The following PLXDC2 variants were observed in gnomAD, a reference collection of about 807,000 sequenced individuals.
The protein encoded by PLXDC2 is plexin domain containing 2.
PLXDC2 carries 40 observed loss-of-function variants against 68.9 expected under a neutral mutation model. The observed-to-expected ratio is 0.58, with a 90% CI of 0.45 to 0.76. The LOEUF is 0.76. Among genes scored for constraint, PLXDC2 ranks in the 30% least tolerant of loss-of-function variants. The pLI is 0.00. For synonymous variants in PLXDC2, 243 were observed against 234.2 expected, an observed-to-expected ratio of 1.04 and a Z score of -0.34; for missense variants, 644 against 661.9, an observed-to-expected ratio of 0.97 and a Z score of 0.30.
chr10:20,015,809 A>G (rs1174420007), intron 2 of PLXDC2, among the ~76,000 whole-genome samples: 1 of 152,186 alleles, frequency 6.6e-6, no homozygotes, highest in African/African-American at 2.4e-5. Flanking sequence ...CCTCCTTCCA[A>G]TACAAGCACA....
At chr10:20,204,837 T>A (rs1181985018) in intron 9 of PLXDC2, among the ~76,000 whole-genome samples, 1 of 152,134 alleles carries the variant, frequency 6.6e-6, no homozygotes, top group East Asian at 1.9e-4. Flanking sequence ...TATCTGGTCC[T>A]TTACAAAAAA....
chr10:20,077,882 T>G lies in PLXDC2; in HGVS notation c.541+9643T>G, dbSNP rs185859598. The stretch of plus-strand genomic sequence containing the variant: ...TTTACTGTTTATGAAGTTTTAGTCA[T>G]TAAGCTCTGAAAAAACATTTTTTTC... On this transcript the variant is annotated intron_variant, in intron 4 of 13. Coordinates refer to ENST00000377252, the MANE Select transcript of PLXDC2 (RefSeq NM_032812.9). Among the ~76,000 whole-genome samples the G allele has an allele frequency of 2.3e-3, 356 of 152,312 alleles. 1 individual carries two copies. The highest frequency in any genetic ancestry group is 3.5e-3 in the Non-Finnish European group (237 of 68,026).
At chr10:20,154,178 G>GCAACT (rs1834187918) in intron 6 of PLXDC2, among the ~76,000 whole-genome samples, 1 of 152,146 alleles carries the variant, frequency 6.6e-6, no homozygotes, top group Admixed American at 6.5e-5. Context: ...CCATTAAATA[G>GCAACT]TGATGATTTT....
intron 2 of PLXDC2, among the ~76,000 whole-genome samples, chr10:20,027,611 A>C (rs1270812671): frequency 6.6e-6 from 1 of 151,878 alleles, no homozygotes; most frequent in African/African-American, 2.4e-5. Context: ...AATTGTGTAG[A>C]TATCTCAACA....
chr10:20,210,542 T>C (rs1208503287), intron 9 of PLXDC2, among the ~76,000 whole-genome samples: 3 of 152,150 alleles, frequency 2.0e-5, no homozygotes, highest in Non-Finnish European at 4.4e-5. Context: ...GAACAAAGTC[T>C]AATTAACACA....
rs532749730 is a variant in PLXDC2 at position 20,253,097 on chromosome 10, G to C, written c.1473+7592G>C. On this transcript the variant is annotated intron_variant, in intron 13 of 13. Transcript: ENST00000377252. Reference sequence around the variant, plus strand: ...TTATTTTCCTAGGCCAGGTGCGGTGGCTCATGCCTGTAATCCCAGAACATT... The same window carrying C: ...TTATTTTCCTAGGCCAGGTGCGGTGCCTCATGCCTGTAATCCCAGAACATT... Among the ~76,000 whole-genome samples the C allele has an allele frequency of 2.0e-5, 3 of 152,104 alleles. No individual in the cohort carries two copies. In the East Asian group the frequency reaches 5.8e-4, roughly 29 times the overall value.
intron 1 of PLXDC2, among the ~76,000 whole-genome samples, chr10:19,934,560 T>TA (rs1339537177): frequency 2.6e-5 from 4 of 152,212 alleles, no homozygotes; most frequent in Non-Finnish European, 5.9e-5. Context: ...TAAGTCTTGT[T>TA]AATAGTCTTG....
chr10:20,270,298 T>C (rs1247585944), intron 13 of PLXDC2, among the ~76,000 whole-genome samples: 1 of 152,148 alleles, frequency 6.6e-6, no homozygotes, highest in Non-Finnish European at 1.5e-5. Context: ...GAAAGGGTTT[T>C]CAATCAGTTA....
chr10:20,218,913 G>T (rs997214305), intron 11 of PLXDC2, 151 bp from the exon 12 acceptor site: 15 of 766,880 alleles, frequency 2.0e-5, no homozygotes, highest in Non-Finnish European at 2.6e-5. Flanking sequence ...GCAAGGACTT[G>T]CTCTCATTGC....
intron 1 of PLXDC2, among the ~76,000 whole-genome samples, chr10:19,919,337 A>T (rs1346746819): frequency 6.6e-6 from 1 of 151,964 alleles, no homozygotes; most frequent in Non-Finnish European, 1.5e-5. Flanking sequence ...AAACCTTATT[A>T]AAAAAGGACA....
At chr10:19,837,913 C>T (rs562713239) in intron 1 of PLXDC2, among the ~76,000 whole-genome samples, 9 of 152,080 alleles carry the variant, frequency 5.9e-5, no homozygotes, top group Non-Finnish European at 1.2e-4. Context: ...AAGTGACTAA[C>T]GTAAAACCAT....
intron 4 of PLXDC2, among the ~76,000 whole-genome samples, chr10:20,076,647 C>A (rs1042894928): frequency 3.3e-5 from 5 of 152,062 alleles, no homozygotes; most frequent in Non-Finnish European, 7.4e-5. Flanking sequence ...CCTTTGATGA[C>A]CTCATTCATT....
intron 1 of PLXDC2, among the ~76,000 whole-genome samples, chr10:19,970,772 C>CA (rs2131611342): frequency 6.6e-6 from 1 of 152,286 alleles, no homozygotes; most frequent in East Asian, 1.9e-4. Flanking sequence ...GAGTGGGATG[C>CA]AACATCCGGG....
chr10:20,190,531 G>T (rs916246856), intron 9 of PLXDC2, among the ~76,000 whole-genome samples: 1 of 151,530 alleles, frequency 6.6e-6, no homozygotes, highest in Non-Finnish European at 1.5e-5. Context: ...CACCAACATG[G>T]CACATGTATA....
intron 3 of PLXDC2, among the ~76,000 whole-genome samples, chr10:20,054,557 C>G (rs970781605): frequency 1.3e-5 from 2 of 151,798 alleles, no homozygotes; most frequent in East Asian, 1.9e-4. Flanking sequence ...TTTGTAGGGA[C>G]GTGGATGAAG....
intron 9 of PLXDC2, among the ~76,000 whole-genome samples, chr10:20,190,860 C>A (rs1834755812): frequency 6.6e-6 from 1 of 151,796 alleles, no homozygotes; most frequent in Non-Finnish European, 1.5e-5. Context: ...TGATGTTTCG[C>A]TTCCATTAAA....
At chr10:19,900,728 C>A (rs1473471948) in intron 1 of PLXDC2, among the ~76,000 whole-genome samples, 1 of 151,794 alleles carries the variant, frequency 6.6e-6, no homozygotes, top group Non-Finnish European at 1.5e-5. Flanking sequence ...ACATTGTACC[C>A]AATGTGTAGG....
At chr10:20,122,623 CA>C (rs1302265715) in intron 4 of PLXDC2, among the ~76,000 whole-genome samples, 1 of 152,328 alleles carries the variant, frequency 6.6e-6, no homozygotes, top group East Asian at 1.9e-4. Flanking sequence ...GCACTTGTAG[CA>C]AGCTCCTGGG....
intron 1 of PLXDC2, among the ~76,000 whole-genome samples, chr10:19,855,927 A>C (rs562262654): frequency 2.0e-5 from 3 of 152,230 alleles, no homozygotes; most frequent in Admixed American, 6.5e-5. Flanking sequence ...GTACTAAAAA[A>C]ATATACATAT....
Sources: allele counts gnomAD v4.1 joint callset (sites outside exome capture counted in the v4.1 genomes callset), GRCh38; gene constraint gnomAD v4.1.1; transcripts MANE v1.5; gene names NCBI Gene and HGNC (gene_info 2026-07-23, HGNC 2026-07-21).